Variants in SLC7A2 observed in about 807,000 individuals in gnomAD.
The protein encoded by SLC7A2 is cationic amino acid transporter 2.
SLC7A2 carries 48 observed loss-of-function variants against 58.9 expected under a neutral mutation model. The ratio of observed to expected loss-of-function variants is 0.82; its 90% CI spans 0.65 to 1.04. SLC7A2 has a LOEUF of 1.04. Among genes scored for constraint, SLC7A2 ranks in the 50% least tolerant of loss-of-function variants. The probability of loss-of-function intolerance (pLI) is 0.00; values close to 1 mark genes in which losing one functional copy is unlikely to be tolerated. For synonymous variants in SLC7A2, 363 were observed against 314.5 expected, an observed-to-expected ratio of 1.15 and a Z score of -1.63; for missense variants, 1,029 against 818.8, an observed-to-expected ratio of 1.26 and a Z score of -3.13.
rs545494273 is a variant in SLC7A2, at chr8:17,562,476, A to T, written c.1671+366A>T. 9.9e-5 allele frequency among the ~76,000 whole-genome samples: 15 copies of T among 152,070 alleles called. No homozygotes were observed. The East Asian group carries it at 2.7e-3, about 28-fold the overall frequency. On this transcript the variant is annotated intron_variant, in intron 11 of 12. Transcript: ENST00000494857. ...CACCTCTGCCTCCAAAAGTGCTGGG[A>T]TTATATGTGTGAGCCACCGTGCCCT... is the stretch of plus-strand genomic sequence containing the variant.
chr8:17,495,938 C>G (rs1017082405), upstream of SLC7A2, among the ~76,000 whole-genome samples: 3 of 152,182 alleles, frequency 2.0e-5, no homozygotes, highest in African/African-American at 7.2e-5. Flanking sequence ...AATGAAGCCC[C>G]ACACCGTTTA....
At chr8:17,518,770 A>G (rs1482566042) in intron 2 of SLC7A2, among the ~76,000 whole-genome samples, 1 of 152,166 alleles carries the variant, frequency 6.6e-6, no homozygotes, top group Non-Finnish European at 1.5e-5. Context: ...TTGTCCTGAC[A>G]TTGATCTGTA....
intron 2 of SLC7A2, among the ~76,000 whole-genome samples, chr8:17,512,572 A>T (rs1800649082): frequency 6.6e-6 from 1 of 152,034 alleles, no homozygotes; most frequent in African/African-American, 2.4e-5. Context: ...ATAGAACCCC[A>T]AGTGGAGTGG....
chr8:17,509,346 C>T (rs1458944196), intron 2 of SLC7A2, among the ~76,000 whole-genome samples: 13 of 152,242 alleles, frequency 8.5e-5, no homozygotes, highest in South Asian at 2.1e-4. Context: ...TTCGCTCTGT[C>T]GCCCGTTGGA....
intron 2 of SLC7A2, among the ~76,000 whole-genome samples, chr8:17,518,875 G>C (rs1800905448): frequency 6.6e-6 from 1 of 152,104 alleles, no homozygotes; most frequent in Non-Finnish European, 1.5e-5. Context: ...TGGAGGCTAG[G>C]AGTTGAGATT....
rs1563474116 is a variant in SLC7A2, at chr8:17,551,843, T to G, written c.912T>G (p.Phe304Leu). Residue 304 changes from phenylalanine (F) to leucine (L), a missense_variant, in exon 7 of 13, where the codon TTT (phenylalanine) becomes TTG (leucine). Coordinates refer to ENST00000494857, the MANE Select transcript of SLC7A2 (RefSeq NM_001370338.1). ...TSLLVCFMAYFGVSAALTLMM... is the reference protein window; with the variant it reads ...TSLLVCFMAYLGVSAALTLMM... ...TGCTTGTTTGCTTTATGGCCTATTT[T>G]GGGGTCTCTGCAGCTTTAACACTTA... is the stretch of plus-strand genomic sequence containing the variant. The G allele has an allele frequency of 6.2e-7, 1 of 1,613,896 alleles. No homozygotes were observed. The highest frequency in any genetic ancestry group is 8.5e-7 in the Non-Finnish European group (1 of 1,180,004).
At chr8:17,512,542 A>T (rs905383327) in intron 2 of SLC7A2, among the ~76,000 whole-genome samples, 1 of 152,152 alleles carries the variant, frequency 6.6e-6, no homozygotes, top group Non-Finnish European at 1.5e-5. Context: ...GCGAGACTCC[A>T]TCCCAAAACA....
intron 2 of SLC7A2, among the ~76,000 whole-genome samples, chr8:17,504,556 A>T (rs996414721): frequency 6.6e-6 from 1 of 152,188 alleles, no homozygotes; most frequent in Admixed American, 6.5e-5. Context: ...CCGGTTTATC[A>T]ATTGTATTTC....
At chr8:17,538,899 G>A (rs372780420) in intron 2 of SLC7A2, 306 of 1,613,558 alleles carry the variant, frequency 1.9e-4, no homozygotes, top group African/African-American at 5.2e-4. Flanking sequence ...CTGCCCCACC[G>A]GTTTGCGACA....
intron 2 of SLC7A2, among the ~76,000 whole-genome samples, chr8:17,539,603 A>T (rs539082839): frequency 3.9e-5 from 6 of 152,166 alleles, no homozygotes; most frequent in Non-Finnish European, 7.3e-5. Flanking sequence ...TCAGAGCCTT[A>T]TATTCTAAGG....
intron 7 of SLC7A2, 58 bp from the exon 8 acceptor site, chr8:17,554,502 C>G: frequency 5.0e-6 from 7 of 1,387,908 alleles, no homozygotes; most frequent in Non-Finnish European, 6.7e-6. Flanking sequence ...TATTTCCGTT[C>G]GGGGATGTAA....
At chr8:17,539,496 G>A (rs769116829) in intron 2 of SLC7A2, among the ~76,000 whole-genome samples, 13 of 152,056 alleles carry the variant, frequency 8.5e-5, no homozygotes, top group Non-Finnish European at 1.3e-4. Flanking sequence ...CTCAAGAGAC[G>A]CCACTGTCTC....
rs1803193895 is a variant in SLC7A2 at position 17,564,936 on chromosome 8, TC to T, written c.1781-12del. On this transcript the variant is annotated splice_polypyrimidine_tract_variant and intron_variant, in intron 12 of 12. Transcript: ENST00000494857. ...TACCTGAAACATTGATTTTTTTTTT[TC>T]CTGCCCCAACAGGCTTCCTGATTTA... The T allele has an allele frequency of 1.3e-6, 2 of 1,553,228 alleles. No homozygotes were observed. The highest frequency in any genetic ancestry group is 1.4e-5 in the African/African-American group (1 of 71,852).
At chr8:17,561,068 G>T (rs150640080) in intron 10 of SLC7A2, among the ~76,000 whole-genome samples, 1 of 152,274 alleles carries the variant, frequency 6.6e-6, no homozygotes, top group African/African-American at 2.4e-5. Context: ...GGAAGCACAG[G>T]CTTCTCAGAG....
intron 2 of SLC7A2, among the ~76,000 whole-genome samples, chr8:17,531,308 A>G (rs1305567834): frequency 6.6e-6 from 1 of 152,226 alleles, no homozygotes; most frequent in East Asian, 1.9e-4. Flanking sequence ...TATGTAATAC[A>G]AGGCCACTAT....
At chr8:17,515,227 A>T (rs924805825) in intron 2 of SLC7A2, among the ~76,000 whole-genome samples, 1 of 152,136 alleles carries the variant, frequency 6.6e-6, no homozygotes, top group African/African-American at 2.4e-5. Context: ...AATAATGAGG[A>T]CATAGCTTGT....
At chr8:17,499,781 T>C (rs2517217) in intron 1 of SLC7A2, among the ~76,000 whole-genome samples, 128,608 of 152,024 alleles carry the variant, frequency 0.85, 54,877 homozygotes, top group Non-Finnish European at 0.91. Flanking sequence ...AAGCTGTTAA[T>C]TAATTTCTAA....
At chr8:17,513,791 C>T (rs74606739) in intron 2 of SLC7A2, among the ~76,000 whole-genome samples, 242 of 152,212 alleles carry the variant, frequency 1.6e-3, no homozygotes, top group African/African-American at 5.5e-3. Context: ...ACTTTTTGTC[C>T]CACTTACAAC....
chr8:17,508,750 A>T (rs1349988470), intron 2 of SLC7A2, among the ~76,000 whole-genome samples: 4 of 152,056 alleles, frequency 2.6e-5, no homozygotes, highest in Non-Finnish European at 5.9e-5. Flanking sequence ...AATAATAAAA[A>T]AGATAAATTG....
Sources: gnomAD v4.1 joint callset for allele counts (sites outside exome capture counted in the v4.1 genomes callset) on GRCh38, gnomAD v4.1.1 for gene constraint, MANE v1.5 for transcripts, NCBI Gene and HGNC (gene_info 2026-07-23, HGNC 2026-07-21) for gene names.